ASAP2: variants seen among roughly 807,000 people sequenced by gnomAD.
The protein encoded by ASAP2 is arf-GAP with SH3 domain, ANK repeat and PH domain-containing protein 2.
A neutral mutation model predicts 131.4 loss-of-function variants in ASAP2; 45 were observed. The ratio of observed to expected loss-of-function variants is 0.34; its 90% CI spans 0.27 to 0.44. The LOEUF (loss-of-function observed/expected upper bound fraction) is 0.44. ASAP2 is among the 20% of genes least tolerant of loss of function. The pLI is 1.00. For missense variants in ASAP2, 1,011 were observed against 1,297.0 expected, an observed-to-expected ratio of 0.78 and a Z score of 3.39; for synonymous variants, 510 against 503.0, an observed-to-expected ratio of 1.01 and a Z score of -0.19.
chr2:9,371,481 A>G (rs534431617), intron 16 of ASAP2, among the ~76,000 whole-genome samples: 1 of 152,338 alleles, frequency 6.6e-6, no homozygotes, highest in East Asian at 1.9e-4. Flanking sequence ...TGCTTAAATA[A>G]GCTAGTATTT....
At chr2:9,388,182 A>G (rs1675436210) in intron 21 of ASAP2, 112 bp from the exon 22 acceptor site, 1 of 1,394,098 alleles carries the variant, frequency 7.2e-7, no homozygotes. Context: ...CTCAAATGGT[A>G]CCAGGCCCAG....
intron 9 of ASAP2, among the ~76,000 whole-genome samples, chr2:9,339,652 C>A (rs1572493470): frequency 6.6e-6 from 1 of 152,152 alleles, no homozygotes; most frequent in Non-Finnish European, 1.5e-5. Flanking sequence ...GGAATGGATA[C>A]TGCTGCTGTC....
At chr2:9,235,391 C>G (rs1158394471) in intron 1 of ASAP2, among the ~76,000 whole-genome samples, 1 of 152,196 alleles carries the variant, frequency 6.6e-6, no homozygotes, top group Non-Finnish European at 1.5e-5. Flanking sequence ...CACCCCAGCC[C>G]TTCCCTTTCC....
chr2:9,251,580 T>G (rs1051256849), intron 1 of ASAP2, among the ~76,000 whole-genome samples: 3 of 152,202 alleles, frequency 2.0e-5, no homozygotes, highest in Admixed American at 2.0e-4. Context: ...CATCTGACTT[T>G]CCTTTTCCCT....
At chr2:9,381,455 C>G (rs978582898) in intron 20 of ASAP2, among the ~76,000 whole-genome samples, 3 of 152,224 alleles carry the variant, frequency 2.0e-5, no homozygotes, top group African/African-American at 7.2e-5. Flanking sequence ...AGATTAAGGC[C>G]AGGCACAGTG....
At chr2:9,388,806 G>A (rs1450500335) in intron 22 of ASAP2, among the ~76,000 whole-genome samples, 1 of 152,194 alleles carries the variant, frequency 6.6e-6, no homozygotes, top group Non-Finnish European at 1.5e-5. Flanking sequence ...AGGGCAGCCT[G>A]AGGTGGCCAA....
intron 24 of ASAP2, among the ~76,000 whole-genome samples, chr2:9,395,195 A>G (rs1676016903): frequency 1.3e-5 from 2 of 152,146 alleles, no homozygotes; most frequent in South Asian, 4.1e-4. Flanking sequence ...ATTTGGGGCC[A>G]GGCGCCATGG....
chr2:9,215,055 A>G (rs1280776391), intron 1 of ASAP2, among the ~76,000 whole-genome samples: 2 of 152,230 alleles, frequency 1.3e-5, no homozygotes, highest in African/African-American at 4.8e-5. Flanking sequence ...CCTAGAGTGC[A>G]CTTACACACA....
chr2:9,391,056 G>A lies in ASAP2; in HGVS notation c.2384-6G>A. On this transcript the variant is annotated splice_region_variant and splice_polypyrimidine_tract_variant and intron_variant, in intron 22 of 27. Coordinates refer to ENST00000281419, the MANE Select transcript of ASAP2 (RefSeq NM_003887.3). ...CATGCGTCTGTGTGCATGCGTGTGG[G>A]TTCAGTTCAGACAGCCTCCTCTGCT... 1 of 1,614,210 alleles carries A rather than the reference G, an allele frequency of 6.2e-7. No homozygotes were observed. Among genetic ancestry groups the A allele is most frequent in the Non-Finnish European group, 8.5e-7 (1 of 1,180,050 alleles).
At chr2:9,275,083 T>TTTTTTTG (rs1553302068) in intron 1 of ASAP2, among the ~76,000 whole-genome samples, 1 of 52,408 alleles carries the variant, frequency 1.9e-5, no homozygotes, top group African/African-American at 9.0e-5. Flanking sequence ...CATTTGTCTG[T>TTTTTTTG]TTTTTTTTTT....
chr2:9,319,308 G>A (rs1670004845), intron 4 of ASAP2, among the ~76,000 whole-genome samples: 1 of 152,240 alleles, frequency 6.6e-6, no homozygotes, highest in African/African-American at 2.4e-5. Flanking sequence ...ATCTGCGCAC[G>A]ATTCCTGGGT....
rs1183138969 is a variant in ASAP2 at position 9,405,373 on chromosome 2, C to G, written c.*2046C>G. 1 of 152,626 alleles carries G rather than the reference C, an allele frequency of 6.6e-6. No individual in the cohort carries two copies. Among genetic ancestry groups the G allele is most frequent in the African/African-American group, 2.4e-5 (1 of 41,468 alleles). The allele number at this position is 152,626 out of a possible 1,614,324, so 9.5% of individuals were successfully genotyped here. On this transcript the variant is annotated 3_prime_UTR_variant, in exon 28 of 28. Coordinates refer to ENST00000281419, the MANE Select transcript of ASAP2 (RefSeq NM_003887.3). ...GCAGCTGCAGGATTCTGGCATTTTG[C>G]ATGCCATTCTCCATCAGATCTGGGA...
chr2:9,258,054 A>G (rs1665288128), intron 1 of ASAP2, among the ~76,000 whole-genome samples: 1 of 152,138 alleles, frequency 6.6e-6, no homozygotes, highest in African/African-American at 2.4e-5. Flanking sequence ...TACCCCCACA[A>G]CCAGTGCTGG....
At chr2:9,219,575 G>GT (rs59223290) in intron 1 of ASAP2, among the ~76,000 whole-genome samples, 7,696 of 152,260 alleles carry the variant, frequency 0.051, 521 homozygotes, top group African/African-American at 0.15. Flanking sequence ...GTCCTGAAAA[G>GT]ACAACATCAT....
intron 17 of ASAP2, among the ~76,000 whole-genome samples, chr2:9,375,785 A>C (rs1674357267): frequency 6.6e-6 from 1 of 152,246 alleles, no homozygotes; most frequent in Admixed American, 6.5e-5. Context: ...CTCATCTGCA[A>C]GCAGGTTTAA....
Position 9,388,513 on chromosome 2 carries a change from G to GC in ASAP2, c.2357dup (p.Leu787AlafsTer16), listed in dbSNP as rs773893016. The GC allele has an allele frequency of 1.1e-5, 17 of 1,612,694 alleles. No individual in the cohort carries two copies. The highest frequency in any genetic ancestry group is 2.2e-5 in the East Asian group (1 of 44,830). On this transcript the variant is annotated frameshift_variant, in exon 22 of 28. Coordinates refer to ENST00000281419, the MANE Select transcript of ASAP2 (RefSeq NM_003887.3). LOFTEE classifies it high-confidence loss of function. The stretch of plus-strand genomic sequence containing the variant: ...GCCTGCAGCCCCCAGCACCACCAGC[G>GC]CCCCCCCGCTTCCTCCACGGAATGT...
chr2:9,391,333 T>C, intron 23 of ASAP2, 137 bp downstream of exon 23: 2 of 1,262,544 alleles, frequency 1.6e-6, no homozygotes, highest in South Asian at 1.5e-5. Flanking sequence ...CTGTGGCTCT[T>C]GTGCAGGGCT....
chr2:9,393,370 T>C, intron 23 of ASAP2, 112 bp from the exon 24 acceptor site: 2 of 994,482 alleles, frequency 2.0e-6, no homozygotes, highest in South Asian at 1.9e-5. Context: ...GGTTTTTCCT[T>C]AGGAAATAGC....
chr2:9,296,635 A>T (rs1668169650), intron 2 of ASAP2, among the ~76,000 whole-genome samples: 1 of 152,356 alleles, frequency 6.6e-6, no homozygotes, highest in Middle Eastern at 3.4e-3. Context: ...AGCACATCCG[A>T]TGTATGGGGA....
Sources: gnomAD v4.1 joint callset for allele counts (sites outside exome capture counted in the v4.1 genomes callset) on GRCh38, gnomAD v4.1.1 for gene constraint, MANE v1.5 for transcripts, NCBI Gene and HGNC (gene_info 2026-07-23, HGNC 2026-07-21) for gene names.